Variants in CNTN6 observed in about 807,000 individuals in gnomAD.
The protein encoded by CNTN6 is contactin-6.
Under a neutral mutation model 122.8 loss-of-function variants are expected in CNTN6, and 137 were observed. That is an observed-to-expected ratio of 1.12 (90% confidence interval 0.97 to 1.29). The LOEUF is 1.29. Ranked by LOEUF, CNTN6 falls within the 50% of genes most tolerant of loss-of-function variation. The probability of loss-of-function intolerance (pLI) is 0.00; values close to 1 mark genes in which losing one functional copy is unlikely to be tolerated. For synonymous variants in CNTN6, 570 were observed against 426.0 expected, an observed-to-expected ratio of 1.34 and a Z score of -4.16; for missense variants, 1,634 against 1,223.4, an observed-to-expected ratio of 1.34 and a Z score of -5.01.
intron 19 of CNTN6, among the ~76,000 whole-genome samples, chr3:1,385,149 T>C (rs1400116695): frequency 6.6e-6 from 1 of 152,090 alleles, no homozygotes; most frequent in Non-Finnish European, 1.5e-5. Flanking sequence ...TTTTTTTCAA[T>C]GTACCTAAAA....
rs1242660202 is a variant in CNTN6, at chr3:1,315,040, T to A, written c.762-6610T>A. Among the ~76,000 whole-genome samples the A allele has an allele frequency of 2.0e-5, 3 of 151,850 alleles. No homozygotes were observed. The East Asian group carries it at 5.9e-4, about 30-fold the overall frequency. ...AGAGGGGAGAAGTGTAAAATTGGAGTTTAAAGGGAAATGTTGCCAGAAACG... is the reference window on the plus strand; with the variant it reads ...AGAGGGGAGAAGTGTAAAATTGGAGATTAAAGGGAAATGTTGCCAGAAACG... On this transcript the variant is annotated intron_variant, in intron 7 of 22. Transcript: ENST00000446702.
intron 4 of CNTN6, among the ~76,000 whole-genome samples, chr3:1,261,545 T>C (rs944421739): frequency 6.6e-6 from 1 of 152,084 alleles, no homozygotes; most frequent in African/African-American, 2.4e-5. Context: ...CTGCTTTCTA[T>C]GTAGACAAGT....
chr3:1,227,813 TGAAGGTGGA>T lies in CNTN6; in HGVS notation c.183-4_187del. Reference sequence around the variant, plus strand: ...ATAAGCACTTTATTTTTTTTTTCCTTGAAGGTGGAAGCAAAATGGCACAGACATTGATTT... The same window carrying T: ...ATAAGCACTTTATTTTTTTTTTCCTTAGCAAAATGGCACAGACATTGATTT... On this transcript the variant is annotated splice_acceptor_variant and splice_polypyrimidine_tract_variant and coding_sequence_variant and intron_variant, in exon 4 of 23. Transcript: ENST00000446702. LOFTEE classifies it high-confidence loss of function. The T allele has an allele frequency of 6.2e-7, 1 of 1,612,842 alleles. No homozygotes were observed. Among genetic ancestry groups the T allele is most frequent in the Admixed American group, 1.7e-5 (1 of 59,768 alleles).
chr3:1,389,081 C>G lies in CNTN6; in HGVS notation c.2704+3284C>G, dbSNP rs558566188. On this transcript the variant is annotated intron_variant, in intron 20 of 22. Coordinates refer to ENST00000446702, the MANE Select transcript of CNTN6 (RefSeq NM_001289080.2). ...CAGAGAACGCCACAAAGATACTCCT[C>G]GAGAAGAGCAACTCCAAGACACATA... 1.3e-4 allele frequency among the ~76,000 whole-genome samples: 19 copies of G among 145,470 alleles called. No individual in the cohort carries two copies. The South Asian group carries it at 4.4e-3, about 34-fold the overall frequency.
At chr3:1,254,342 G>T (rs559146803) in intron 4 of CNTN6, among the ~76,000 whole-genome samples, 1 of 152,146 alleles carries the variant, frequency 6.6e-6, no homozygotes, top group South Asian at 2.1e-4. Context: ...TCTACATTCA[G>T]TTTTTGAAAT....
At chr3:1,286,654 G>T (rs554235832) in intron 5 of CNTN6, among the ~76,000 whole-genome samples, 4 of 152,194 alleles carry the variant, frequency 2.6e-5, no homozygotes, top group African/African-American at 9.6e-5. Flanking sequence ...GGCATTTGTG[G>T]TGGTTCCAAG....
chr3:1,258,518 G>C (rs1194481040), intron 4 of CNTN6, among the ~76,000 whole-genome samples: 1 of 152,110 alleles, frequency 6.6e-6, no homozygotes, highest in Non-Finnish European at 1.5e-5. Flanking sequence ...AGTGTGCAGT[G>C]GCCTGGCTCT....
chr3:1,187,314 T>C (rs984744594), intron 2 of CNTN6, among the ~76,000 whole-genome samples: 1 of 152,128 alleles, frequency 6.6e-6, no homozygotes, highest in Admixed American at 6.6e-5. Context: ...CCTCCTGCCT[T>C]ACGTTCCTTT....
intron 1 of CNTN6, among the ~76,000 whole-genome samples, chr3:1,102,104 G>T (rs1013844891): frequency 1.3e-5 from 2 of 152,164 alleles, no homozygotes; most frequent in African/African-American, 4.8e-5. Context: ...TATCATTCAT[G>T]CATGTAAGAG....
chr3:1,219,043 C>T (rs1373015149), intron 2 of CNTN6, among the ~76,000 whole-genome samples: 1 of 152,200 alleles, frequency 6.6e-6, no homozygotes, highest in African/African-American at 2.4e-5. Context: ...TGTATTATAA[C>T]TCATTTACCA....
intron 2 of CNTN6, among the ~76,000 whole-genome samples, chr3:1,195,412 T>C (rs1326225811): frequency 6.6e-6 from 1 of 152,140 alleles, no homozygotes; most frequent in Non-Finnish European, 1.5e-5. Context: ...TAAAAATACC[T>C]ATGTATCAGG....
Position 1,372,187 on chromosome 3 carries a change from C to G in CNTN6, c.1493-112C>G, listed in dbSNP as rs548233709. On this transcript the variant is annotated intron_variant, in intron 12 of 22. Transcript: ENST00000446702. ...TTTCATACTGGACATTGTAGAACTC[C>G]AGGTTGCATTTATATAATTTCAAAT... is the stretch of plus-strand genomic sequence containing the variant. The G allele has an allele frequency of 9.3e-5, 64 of 691,602 alleles. No individual in the cohort carries two copies. In the African/African-American group the frequency reaches 1.1e-3, roughly 12 times the overall value. 42.8% of individuals were successfully genotyped at this position (691,602 alleles called of 1,614,324 possible).
intron 11 of CNTN6, among the ~76,000 whole-genome samples, chr3:1,338,713 A>T (rs1703453161): frequency 6.6e-6 from 1 of 152,192 alleles, no homozygotes; most frequent in South Asian, 2.1e-4. Context: ...TTACATAAAT[A>T]TTCAACAGCA....
chr3:1,350,597 G>A (rs949431293), intron 11 of CNTN6, among the ~76,000 whole-genome samples: 1 of 151,838 alleles, frequency 6.6e-6, no homozygotes, highest in Admixed American at 6.6e-5. Flanking sequence ...TACTGAGCCT[G>A]AAAGGGGTAG....
intron 2 of CNTN6, among the ~76,000 whole-genome samples, chr3:1,167,664 G>A (rs2093282333): frequency 6.6e-6 from 1 of 152,116 alleles, no homozygotes; most frequent in Non-Finnish European, 1.5e-5. Context: ...TACAGATGGG[G>A]AAAATGAGGG....
intron 4 of CNTN6, among the ~76,000 whole-genome samples, chr3:1,245,266 T>TATAAC (rs1559596594): frequency 0.023 from 117 of 5,102 alleles, 17 homozygotes; most frequent in African/African-American, 0.027. Context: ...AACATATATA[T>TATAAC]ATATATATAC....
At chr3:1,339,043 C>A (rs1320712254) in intron 11 of CNTN6, among the ~76,000 whole-genome samples, 1 of 151,854 alleles carries the variant, frequency 6.6e-6, no homozygotes, top group African/African-American at 2.4e-5. Context: ...TCCAAACAAG[C>A]AGTGAAGCTG....
At chr3:1,154,119 T>C (rs967892028) in intron 2 of CNTN6, among the ~76,000 whole-genome samples, 11 of 152,230 alleles carry the variant, frequency 7.2e-5, no homozygotes, top group African/African-American at 2.7e-4. Flanking sequence ...TATATGATTA[T>C]CAAACCTTCT....
At chr3:1,348,954 T>G (rs1332066824) in intron 11 of CNTN6, among the ~76,000 whole-genome samples, 4 of 152,022 alleles carry the variant, frequency 2.6e-5, no homozygotes, top group Non-Finnish European at 5.9e-5. Flanking sequence ...ACAATGAGTT[T>G]TAATATGGAA....
Sources: allele counts gnomAD v4.1 joint callset (sites outside exome capture counted in the v4.1 genomes callset), GRCh38; gene constraint gnomAD v4.1.1; transcripts MANE v1.5; gene names NCBI Gene and HGNC (gene_info 2026-07-23, HGNC 2026-07-21).